The following NR2F1-AS1 variants were observed in gnomAD, a reference collection of about 807,000 sequenced individuals.
The protein encoded by NR2F1-AS1 is NR2F1 regulatory antisense RNA 1, also known as NR2F1 antisense RNA 1.
chr5:93,457,121 C>G (rs958281285), intron 4 of NR2F1-AS1, among the ~76,000 whole-genome samples: 1 of 152,140 alleles, frequency 6.6e-6, no homozygotes, highest in Non-Finnish European at 1.5e-5. Flanking sequence ...GCAAAGAGGC[C>G]TTCCTCTTTT....
chr5:93,493,126 G>T (rs1040397832), intron 4 of NR2F1-AS1, among the ~76,000 whole-genome samples: 1 of 152,032 alleles, frequency 6.6e-6, no homozygotes, highest in Non-Finnish European at 1.5e-5. Context: ...TCTATTTGCA[G>T]ATGACAAAAT....
chr5:93,571,389 G>T (rs541156580), intron 1 of NR2F1-AS1: 1 of 150,744 alleles, frequency 6.6e-6, no homozygotes, highest in African/African-American at 2.4e-5. Flanking sequence ...TCGGGAGCTC[G>T]ACGGCTAAGC....
At chr5:93,452,025 T>TCCATGCATTAG (rs1449683320) in intron 4 of NR2F1-AS1, among the ~76,000 whole-genome samples, 67 of 152,322 alleles carry the variant, frequency 4.4e-4, no homozygotes, top group Non-Finnish European at 8.4e-4. Context: ...ATCTAATGTT[T>TCCATGCATTAG]TATACCATGC....
intron 4 of NR2F1-AS1, among the ~76,000 whole-genome samples, chr5:93,538,813 GT>G (rs1161822260): frequency 6.6e-6 from 1 of 152,144 alleles, no homozygotes; most frequent in Non-Finnish European, 1.5e-5. Context: ...GTTTAGTGAT[GT>G]TTTTATAATC....
upstream of NR2F1-AS1, among the ~76,000 whole-genome samples, chr5:93,581,837 CTCTCTCT>C (rs199809809): frequency 4.0e-3 from 203 of 50,178 alleles, 16 homozygotes; most frequent in African/African-American, 6.5e-3. Context: ...TCTCTCTCTC[CTCTCTCT>C]CTCTCTCTCC....
chr5:93,545,346 C>A (rs922221097), intron 4 of NR2F1-AS1, among the ~76,000 whole-genome samples: 1 of 152,162 alleles, frequency 6.6e-6, no homozygotes, highest in South Asian at 2.1e-4. Context: ...TGACCTACCC[C>A]CAGTCCCCCA....
At chr5:93,527,910 G>A (rs550710923) in intron 4 of NR2F1-AS1, among the ~76,000 whole-genome samples, 2 of 152,182 alleles carry the variant, frequency 1.3e-5, no homozygotes, top group South Asian at 4.1e-4. Flanking sequence ...GAAAACCTAG[G>A]CAATACCACT....
intron 4 of NR2F1-AS1, among the ~76,000 whole-genome samples, chr5:93,424,540 C>T: frequency 6.6e-6 from 1 of 151,976 alleles, no homozygotes; most frequent in Non-Finnish European, 1.5e-5. Flanking sequence ...AGTGTATCTA[C>T]CTACCATTTA....
At chr5:93,547,457 C>A (rs1375636232) in intron 4 of NR2F1-AS1, among the ~76,000 whole-genome samples, 2 of 152,094 alleles carry the variant, frequency 1.3e-5, no homozygotes, top group Non-Finnish European at 2.9e-5. Context: ...GTATACATTT[C>A]TCAGAATCAA....
chr5:93,493,531 A>G (rs1048729510), intron 4 of NR2F1-AS1, among the ~76,000 whole-genome samples: 3 of 152,114 alleles, frequency 2.0e-5, no homozygotes, highest in Non-Finnish European at 4.4e-5. Context: ...CAGAACCCCA[A>G]ATAGCCAAAA....
At chr5:93,413,062 T>TA (rs1748891514) in intron 4 of NR2F1-AS1, among the ~76,000 whole-genome samples, 2 of 117,192 alleles carry the variant, frequency 1.7e-5, no homozygotes, top group African/African-American at 3.4e-5. Context: ...TATAGCACTA[T>TA]GGTGTGTGTG....
chr5:93,502,671 G>A (rs955412811), intron 4 of NR2F1-AS1, among the ~76,000 whole-genome samples: 5 of 152,112 alleles, frequency 3.3e-5, no homozygotes, highest in Admixed American at 2.6e-4. Flanking sequence ...ACTAGCCCAG[G>A]AGAGCAGTTT....
At chr5:93,415,040 C>T (rs891516535) in intron 4 of NR2F1-AS1, among the ~76,000 whole-genome samples, 1 of 152,062 alleles carries the variant, frequency 6.6e-6, no homozygotes, top group Non-Finnish European at 1.5e-5. Flanking sequence ...TTTACATCTC[C>T]CTGACCCAAC....
At chr5:93,459,919 T>C (rs1430926388) in intron 4 of NR2F1-AS1, among the ~76,000 whole-genome samples, 1 of 152,178 alleles carries the variant, frequency 6.6e-6, no homozygotes, top group African/African-American at 2.4e-5. Context: ...CTCCAGCTGA[T>C]TCTACCATAT....
chr5:93,464,458 C>G (rs949182875), intron 4 of NR2F1-AS1, among the ~76,000 whole-genome samples: 6 of 151,982 alleles, frequency 3.9e-5, no homozygotes, highest in East Asian at 1.9e-4. Context: ...TTTCAATTAC[C>G]CTTCTAATAT....
intron 4 of NR2F1-AS1, among the ~76,000 whole-genome samples, chr5:93,464,981 C>G (rs767757316): frequency 1.3e-5 from 2 of 152,194 alleles, no homozygotes; most frequent in Non-Finnish European, 2.9e-5. Context: ...CCCATTCCTA[C>G]AGTGGTATTT....
chr5:93,530,023 C>T (rs866013462), intron 4 of NR2F1-AS1, among the ~76,000 whole-genome samples: 1 of 146,676 alleles, frequency 6.8e-6, no homozygotes, highest in Admixed American at 6.7e-5. Context: ...ATTTTAATAT[C>T]ATTATTTCTA....
At chr5:93,522,129 T>A (rs530496645) in intron 4 of NR2F1-AS1, among the ~76,000 whole-genome samples, 1 of 152,296 alleles carries the variant, frequency 6.6e-6, no homozygotes, top group African/African-American at 2.4e-5. Context: ...ATACCACATG[T>A]TCTCACTTTT....
At chr5:93,537,371 T>TTC (rs1362430055) in intron 4 of NR2F1-AS1, among the ~76,000 whole-genome samples, 1 of 152,058 alleles carries the variant, frequency 6.6e-6, no homozygotes, top group Non-Finnish European at 1.5e-5. Flanking sequence ...GAAACAAATA[T>TTC]TCTCCTATTC....
Sources: allele counts gnomAD v4.1 joint callset (sites outside exome capture counted in the v4.1 genomes callset), GRCh38; gene constraint gnomAD v4.1.1; transcripts MANE v1.5; gene names NCBI Gene and HGNC (gene_info 2026-07-23, HGNC 2026-07-21).